Variants in MARS1 observed in about 807,000 individuals in gnomAD.
The protein encoded by MARS1 is methionine--tRNA ligase, cytoplasmic.
Under a neutral mutation model 119.5 loss-of-function variants are expected in MARS1, and 80 were observed. The ratio of observed to expected loss-of-function variants is 0.67; its 90% CI spans 0.56 to 0.81. The LOEUF (loss-of-function observed/expected upper bound fraction) is 0.81. Among genes scored for constraint, MARS1 ranks in the 30% least tolerant of loss-of-function variants. MARS1 has a pLI of 0.00. For synonymous variants in MARS1, 418 were observed against 433.4 expected (o/e 0.96, Z 0.44); for missense variants, 945 against 1,116.5 (o/e 0.85, Z 2.19).
intron 1 of MARS1, chr12:57,488,438 G>C: frequency 2.3e-6 from 2 of 887,154 alleles, no homozygotes; most frequent in Non-Finnish European, 3.5e-6. Context: ...CCGTCTTCCC[G>C]GTCCCCGCCT....
rs1448467257 is a variant in MARS1 at position 57,515,241 on chromosome 12, A to G, written c.2296A>G (p.Thr766Ala). The change falls in exon 18 of 21, where the codon ACA becomes GCA. Residue 766 changes from threonine (T) to alanine (A), a missense_variant. Transcript: ENST00000262027. ...LQPYMPTVSA[T>A]IQAQLQLPPP... ...GCCTTACATGCCCACGGTTAGTGCC[A>G]CAATCCAGGCCCAGCTGCAGCTCCC... is the stretch of plus-strand genomic sequence containing the variant. The G allele has an allele frequency of 6.2e-7, 1 of 1,614,102 alleles. No individual in the cohort carries two copies. Among genetic ancestry groups the G allele is most frequent in the Non-Finnish European group, 8.5e-7 (1 of 1,180,028 alleles).
chr12:57,504,044 A>G (rs1211935679), intron 10 of MARS1, 181 bp from the exon 11 acceptor site: 4 of 599,418 alleles, frequency 6.7e-6, no homozygotes, highest in African/African-American at 3.7e-5. Flanking sequence ...AAATGGAGTT[A>G]TACTGAGAAG....
intron 9 of MARS1, among the ~76,000 whole-genome samples, chr12:57,499,732 C>T (rs1294883379): frequency 1.3e-5 from 2 of 152,088 alleles, no homozygotes; most frequent in Non-Finnish European, 2.9e-5. Flanking sequence ...AACCCCATCT[C>T]TACTAAGAAT....
Position 57,504,817 on chromosome 12 carries a change from C to T in MARS1, c.1368+518C>T, listed in dbSNP as rs146930157. ...CTCCTGGGTTCAAGTGATTCTCCTGCGTCAGCCTCCAGAATAGCTGGGATT... is the reference window on the plus strand; with the variant it reads ...CTCCTGGGTTCAAGTGATTCTCCTGTGTCAGCCTCCAGAATAGCTGGGATT... On this transcript the variant is annotated intron_variant, in intron 11 of 20. Transcript: ENST00000262027. Among the ~76,000 whole-genome samples the T allele has an allele frequency of 5.1e-3, 773 of 150,246 alleles. 6 individuals carry two copies. Among genetic ancestry groups the T allele is most frequent in the South Asian group, 0.018 (88 of 4,758 alleles).
At chr12:57,494,200 C>A (rs1414902717) in intron 7 of MARS1, among the ~76,000 whole-genome samples, 1 of 151,194 alleles carries the variant, frequency 6.6e-6, no homozygotes. Context: ...AGGGGATCCA[C>A]CTGCCTCGGC....
intron 10 of MARS1, among the ~76,000 whole-genome samples, chr12:57,502,534 C>T (rs1400975476): frequency 2.0e-5 from 3 of 151,450 alleles, no homozygotes; most frequent in South Asian, 2.1e-4. Flanking sequence ...GGCGAAACCC[C>T]GCCTCTACTA....
chr12:57,498,541 C>T lies in MARS1; in HGVS notation c.1009C>T (p.His337Tyr). The change falls in exon 9 of 21, where the codon CAC becomes TAC. Residue 337 changes from histidine (H) to tyrosine (Y), a missense_variant. Physicochemically the swap from His to Tyr is moderately conservative, Grantham distance 83. Transcript: ENST00000262027. ...LTPQEICDKYHIIHADIYRWF... is the reference protein window; with the variant it reads ...LTPQEICDKYYIIHADIYRWF... Reference sequence around the variant, plus strand: ...CCCCCAGGAGATCTGCGACAAGTACCACATCATCCATGCTGACATCTACCG... The same window carrying T: ...CCCCCAGGAGATCTGCGACAAGTACTACATCATCCATGCTGACATCTACCG... 1.9e-6 allele frequency: 3 copies of T among 1,614,206 alleles called. No homozygotes were observed. The highest frequency in any genetic ancestry group is 2.5e-6 in the Non-Finnish European group (3 of 1,180,042).
rs1384096624 is a variant in MARS1 at position 57,516,499 on chromosome 12, C to T, written c.2621C>T (p.Ala874Val). The change falls in exon 21 of 21, where the codon GCG (alanine) becomes GTG (valine). Residue 874 changes from alanine to valine, a missense_variant. Transcript: ENST00000262027. Reference protein sequence around the residue: ...ADKNEVAAEVAKLLDLKKQLA... With the variant: ...ADKNEVAAEVVKLLDLKKQLA... The stretch of plus-strand genomic sequence containing the variant: ...AAGAACGAGGTTGCTGCGGAGGTGG[C>T]GAAACTCTTGGATCTAAAGAAACAG... 2.5e-6 allele frequency: 4 copies of T among 1,613,608 alleles called. No individual in the cohort carries two copies. The highest frequency in any genetic ancestry group is 2.2e-5 in the South Asian group (2 of 90,972).
chr12:57,508,674 T>TG (rs1489059776), intron 11 of MARS1, among the ~76,000 whole-genome samples: 2 of 59,034 alleles, frequency 3.4e-5, no homozygotes, highest in East Asian at 4.4e-4. Flanking sequence ...AGGGAGACCG[T>TG]GGGGAGAGGT....
intron 7 of MARS1, among the ~76,000 whole-genome samples, 178 bp from the exon 8 acceptor site, chr12:57,497,979 G>A (rs1297452132): frequency 1.3e-5 from 2 of 152,126 alleles, no homozygotes; most frequent in Non-Finnish European, 2.9e-5. Flanking sequence ...TTGCATCTCT[G>A]GGGATCTTAG....
chr12:57,514,547 A>C (rs954431027), intron 15 of MARS1, among the ~76,000 whole-genome samples, 173 bp from the exon 16 acceptor site: 1 of 152,182 alleles, frequency 6.6e-6, no homozygotes, highest in Non-Finnish European at 1.5e-5. Flanking sequence ...AGGGGAGAGA[A>C]AGAGTAAATA....
rs916042745 is a variant in MARS1 at position 57,489,439 on chromosome 12, G to T, written c.295G>T (p.Ala99Ser). The T allele has an allele frequency of 9.3e-6, 15 of 1,614,178 alleles. No individual in the cohort carries two copies. Among genetic ancestry groups the T allele is most frequent in the Non-Finnish European group, 1.3e-5 (15 of 1,180,030 alleles). ...ATELQPALSA[A>S]LYYLVVQGKK... ...TGCATTTTAGCCAGCTTTGTCTGCT[G>T]CCCTGTACTATTTAGTGGTCCAAGG... is the stretch of plus-strand genomic sequence containing the variant. Residue 99 changes from alanine (A) to serine (S), a missense_variant, in exon 4 of 21, where the codon GCC (alanine) becomes TCC (serine). Physicochemically the swap from Ala to Ser is moderately conservative, Grantham distance 99. Transcript: ENST00000262027.
In MARS1 at chr12:57,498,284, C is replaced by A. The variant is rs1434381168; in HGVS notation, c.887+11C>A. 1 of 1,610,884 alleles carries A rather than the reference C, an allele frequency of 6.2e-7. No homozygotes were observed. On this transcript the variant is annotated intron_variant, in intron 8 of 20. Transcript: ENST00000262027. ...CGATGTCTTTGCCAGGTGGAGCCAG[C>A]TGCTCGGGGAGAGACCTCCTAAGGG...
In MARS1 at chr12:57,514,759, G is replaced by C. The variant is rs139617906; in HGVS notation, c.2007G>C (p.Val669=). Residue 669 remains valine, a synonymous_variant, in exon 16 of 21, where the codon GTG becomes GTC. Transcript: ENST00000262027. ...TGTCTAAGTTCTTTGGGGGCTATGT[G>C]CCTGAGATGGTGCTCACCCCTGATG... The part of the protein sequence containing the change: ...MFVSKFFGGY[V]PEMVLTPDDQ... 2 of 1,614,168 alleles carry C rather than the reference G, an allele frequency of 1.2e-6. No individual in the cohort carries two copies. Among genetic ancestry groups the C allele is most frequent in the Non-Finnish European group, 1.7e-6 (2 of 1,180,042 alleles).
At chr12:57,493,397 A>T (rs1229916027) in intron 7 of MARS1, among the ~76,000 whole-genome samples, 1 of 4,518 alleles carries the variant, frequency 2.2e-4, no homozygotes, top group African/African-American at 5.6e-4. Flanking sequence ...TATTATATAT[A>T]ATATATGTTA....
At chr12:57,488,501 A>G (rs754924398) in intron 1 of MARS1, 336 of 1,400,214 alleles carry the variant, frequency 2.4e-4, no homozygotes, top group Middle Eastern at 1.6e-3. Context: ...CCTATCAGGC[A>G]TCCCCCTCTG....
intron 7 of MARS1, among the ~76,000 whole-genome samples, chr12:57,495,561 C>T (rs1268584716): frequency 6.6e-6 from 1 of 152,006 alleles, no homozygotes; most frequent in Non-Finnish European, 1.5e-5. Flanking sequence ...AGACGATGGG[C>T]AGCCAGGCTG....
intron 11 of MARS1, among the ~76,000 whole-genome samples, chr12:57,508,985 C>G (rs1213471971): frequency 6.6e-6 from 1 of 152,168 alleles, no homozygotes; most frequent in Non-Finnish European, 1.5e-5. Flanking sequence ...GATTTTCCAA[C>G]TCTACCACTA....
intron 10 of MARS1, among the ~76,000 whole-genome samples, chr12:57,501,156 A>T (rs144215499): frequency 3.9e-5 from 6 of 152,352 alleles, no homozygotes; most frequent in African/African-American, 1.4e-4. Flanking sequence ...TCTAAGCGGA[A>T]GGACTAGGAA....
Sources: allele counts gnomAD v4.1 joint callset (sites outside exome capture counted in the v4.1 genomes callset), GRCh38; gene constraint gnomAD v4.1.1; transcripts MANE v1.5; gene names NCBI Gene and HGNC (gene_info 2026-07-23, HGNC 2026-07-21).